The following CLNK variants were observed in gnomAD, a reference collection of about 807,000 sequenced individuals.
CLNK encodes the protein cytokine dependent hematopoietic cell linker.
A neutral mutation model predicts 68.6 loss-of-function variants in CLNK; 74 were observed. The ratio of observed to expected loss-of-function variants is 1.08; its 90% CI spans 0.89 to 1.31. The LOEUF (loss-of-function observed/expected upper bound fraction) is 1.31, where lower values mean the gene tolerates loss of function less well. Ranked by LOEUF, CLNK falls within the 50% of genes most tolerant of loss-of-function variation. The pLI, the probability that CLNK is intolerant of heterozygous loss-of-function variation, is 0.00. For missense variants in CLNK, 553 were observed against 515.3 expected, an observed-to-expected ratio of 1.07 and a Z score of -0.71; for synonymous variants, 198 against 172.2, an observed-to-expected ratio of 1.15 and a Z score of -1.17.
intron 4 of CLNK, among the ~76,000 whole-genome samples, chr4:10,577,876 T>C (rs1720627750): frequency 6.6e-6 from 1 of 152,148 alleles, no homozygotes; most frequent in Non-Finnish European, 1.5e-5. Context: ...GAGGTTAGTG[T>C]TTGGCAGTAA....
intron 2 of CLNK, among the ~76,000 whole-genome samples, chr4:10,655,189 G>A (rs1723920259): frequency 6.6e-6 from 1 of 151,338 alleles, no homozygotes; most frequent in Admixed American, 6.6e-5. Flanking sequence ...GTGGCATTAT[G>A]TTGAAGAAGT....
rs532367067 is a variant in CLNK at position 10,504,250 on chromosome 4, G to A, written c.985-2839C>T. On this transcript the variant is annotated intron_variant, in intron 17 of 18. Coordinates refer to ENST00000226951, the MANE Select transcript of CLNK (RefSeq NM_052964.4). Reference sequence around the variant, plus strand: ...GTTCTCCTGCCTCAGCCTCCTGAGTGGCTGGGACTACAGGCGCCCGCCACC... The same window carrying A: ...GTTCTCCTGCCTCAGCCTCCTGAGTAGCTGGGACTACAGGCGCCCGCCACC... Among the ~76,000 whole-genome samples, 153 of 150,634 alleles carry A rather than the reference G, an allele frequency of 1.0e-3. 1 individual carries two copies. The highest frequency in any genetic ancestry group is 2.5e-3 in the Admixed American group (38 of 15,036).
the CLNK span, among the ~76,000 whole-genome samples, chr4:10,704,704 C>A: frequency 2.0e-5 from 3 of 152,172 alleles, no homozygotes; most frequent in Non-Finnish European, 4.4e-5. Flanking sequence ...AGGGTCAAGC[C>A]CCCCTGTGCT....
rs187909421 is a variant in CLNK at position 10,489,260 on chromosome 4, A to G, written c.*1207T>C. ...TTTATTGTAAAACAATAATAAAATT[A>G]AATCCTCTTAACCTCTACAGGGAAT... On this transcript the variant is annotated 3_prime_UTR_variant, in exon 19 of 19. Coordinates refer to ENST00000226951, the MANE Select transcript of CLNK (RefSeq NM_052964.4). 3 of 152,356 alleles carry G rather than the reference A, an allele frequency of 2.0e-5. No individual in the cohort carries two copies. The East Asian group carries it at 5.8e-4, about 29-fold the overall frequency. The allele number at this position is 152,356 out of a possible 1,614,324, so 9.4% of individuals were successfully genotyped here.
At chr4:10,731,529 TC>T in the CLNK span, among the ~76,000 whole-genome samples, 2 of 152,256 alleles carry the variant, frequency 1.3e-5, no homozygotes, top group African/African-American at 4.8e-5. Flanking sequence ...GACAGATTCT[TC>T]CTAAGAGGAA....
chr4:10,594,577 T>C lies in CLNK; in HGVS notation c.83+3401A>G, dbSNP rs538169312. Among the ~76,000 whole-genome samples, 36 of 152,292 alleles carry C rather than the reference T, an allele frequency of 2.4e-4. 1 individual carries two copies. The highest frequency in any genetic ancestry group is 2.2e-3 in the Admixed American group (34 of 15,284). ...GCTGAAGCTGCTGGTCCCAGGCCCATGCTCTAGGAGCCACAGCTACCAGGC... is the reference window on the plus strand; with the variant it reads ...GCTGAAGCTGCTGGTCCCAGGCCCACGCTCTAGGAGCCACAGCTACCAGGC... On this transcript the variant is annotated intron_variant, in intron 3 of 18. Transcript: ENST00000226951.
chr4:10,708,469 A>G, the CLNK span, among the ~76,000 whole-genome samples: 1 of 152,206 alleles, frequency 6.6e-6, no homozygotes, highest in South Asian at 2.1e-4. Context: ...TCAGTGGCAG[A>G]GCTGGAGTCG....
At chr4:10,544,073 C>A (rs1449348320) in intron 8 of CLNK, among the ~76,000 whole-genome samples, 2 of 152,332 alleles carry the variant, frequency 1.3e-5, no homozygotes, top group Middle Eastern at 3.4e-3. Flanking sequence ...GGTGGACCAT[C>A]TTGCTGCCTG....
In CLNK at chr4:10,683,085, T is replaced by C. The variant is rs151288687; in HGVS notation, c.-43+1583A>G. Among the ~76,000 whole-genome samples, 8 of 152,254 alleles carry C rather than the reference T, an allele frequency of 5.3e-5. No homozygotes were observed. The East Asian group carries it at 1.5e-3, about 29-fold the overall frequency. On this transcript the variant is annotated intron_variant, in intron 1 of 18. Coordinates refer to ENST00000226951, the MANE Select transcript of CLNK (RefSeq NM_052964.4). ...AATATAAATATTATATTATTGAGGCTAAATAATTGTCAATACAAGTCTTAT... is the reference window on the plus strand; with the variant it reads ...AATATAAATATTATATTATTGAGGCCAAATAATTGTCAATACAAGTCTTAT...
chr4:10,586,220 A>T (rs1720960431), intron 3 of CLNK, among the ~76,000 whole-genome samples: 1 of 151,822 alleles, frequency 6.6e-6, no homozygotes, highest in African/African-American at 2.4e-5. Context: ...GGGACCCCTG[A>T]TCTACATGAT....
chr4:10,728,676 C>A, the CLNK span, among the ~76,000 whole-genome samples: 1 of 151,174 alleles, frequency 6.6e-6, no homozygotes, highest in Non-Finnish European at 1.5e-5. Context: ...CCATCTCCCA[C>A]CTCCCGGGTT....
chr4:10,504,403 A>G (rs1038218115), intron 17 of CLNK, among the ~76,000 whole-genome samples: 1 of 152,084 alleles, frequency 6.6e-6, no homozygotes, highest in Admixed American at 6.5e-5. Flanking sequence ...TACAGGCGTG[A>G]GCCACTGCGT....
chr4:10,637,757 G>A (rs550878646), intron 2 of CLNK, among the ~76,000 whole-genome samples: 3 of 132,168 alleles, frequency 2.3e-5, no homozygotes, highest in African/African-American at 9.7e-5. Context: ...ACCAGGCCCA[G>A]CTAATTTTTT....
chr4:10,621,816 C>T (rs1722471803), intron 2 of CLNK, among the ~76,000 whole-genome samples: 1 of 152,160 alleles, frequency 6.6e-6, no homozygotes, highest in Non-Finnish European at 1.5e-5. Flanking sequence ...GCCTATTGTC[C>T]TGTGATTAGA....
intron 2 of CLNK, among the ~76,000 whole-genome samples, chr4:10,638,882 C>A (rs369229009): frequency 6.6e-6 from 1 of 152,188 alleles, no homozygotes; most frequent in African/African-American, 2.4e-5. Context: ...CCCCTCTGAA[C>A]GTCTGTGCCC....
At chr4:10,635,034 T>C (rs1723029006) in intron 2 of CLNK, among the ~76,000 whole-genome samples, 1 of 152,050 alleles carries the variant, frequency 6.6e-6, no homozygotes, top group Non-Finnish European at 1.5e-5. Context: ...TCAAAAGAGA[T>C]AACAATCTTA....
chr4:10,598,548 A>G (rs1721469748), intron 2 of CLNK: 1 of 272,924 alleles, frequency 3.7e-6, no homozygotes, highest in Admixed American at 4.9e-5. Flanking sequence ...ACGTGGGAAG[A>G]CAGACTATTT....
chr4:10,695,646 T>C, the CLNK span, among the ~76,000 whole-genome samples: 1 of 152,216 alleles, frequency 6.6e-6, no homozygotes, highest in Non-Finnish European at 1.5e-5. Context: ...TTCTGAGTCA[T>C]ATTCTTGGAG....
intron 18 of CLNK, among the ~76,000 whole-genome samples, chr4:10,492,201 T>C (rs905549870): frequency 6.6e-6 from 1 of 152,162 alleles, no homozygotes; most frequent in Admixed American, 6.5e-5. Flanking sequence ...CTAGGGAGGA[T>C]GAGACCAGGA....
Sources: gnomAD v4.1 joint callset for allele counts (sites outside exome capture counted in the v4.1 genomes callset) on GRCh38, gnomAD v4.1.1 for gene constraint, MANE v1.5 for transcripts, NCBI Gene and HGNC (gene_info 2026-07-23, HGNC 2026-07-21) for gene names.